Variants in CELF2 observed in about 807,000 individuals in gnomAD.
CELF2 encodes the protein CUGBP Elav-like family member 2.
CELF2 carries 8 observed loss-of-function variants against 62.6 expected under a neutral mutation model. The observed-to-expected ratio is 0.13, with a 90% CI of 0.07 to 0.23. The LOEUF (loss-of-function observed/expected upper bound fraction) is 0.23. CELF2 is among the 10% of genes least tolerant of loss of function. The pLI is 1.00. For missense variants in CELF2, 333 were observed against 671.0 expected (o/e 0.50, Z 5.56); for synonymous variants, 258 against 250.0 (o/e 1.03, Z -0.30).
At chr10:10,729,868 C>G in the CELF2 span, among the ~76,000 whole-genome samples, 8 of 152,080 alleles carry the variant, frequency 5.3e-5, no homozygotes, top group Non-Finnish European at 1.0e-4. Flanking sequence ...ATGCTTATTA[C>G]TCTTACAGTG....
At chr10:11,252,757 G>A (rs1351966776) in intron 4 of CELF2, among the ~76,000 whole-genome samples, 1 of 152,200 alleles carries the variant, frequency 6.6e-6, no homozygotes, top group African/African-American at 2.4e-5. Flanking sequence ...CTCCCACAGA[G>A]CCAGGTTGTC....
chr10:10,634,771 C>T, the CELF2 span, among the ~76,000 whole-genome samples: 4 of 151,800 alleles, frequency 2.6e-5, no homozygotes, highest in Non-Finnish European at 5.9e-5. Flanking sequence ...AAGCGATTCT[C>T]CTGTCTCAGC....
rs1478277260 is a variant in CELF2, at chr10:10,983,938, T to C, written c.89+63939T>C. Reference sequence around the variant, plus strand: ...AAAAGACAGCATTGCAATTTGCATGTAACCTCTGAGTCAACTACTGAACTA... The same window carrying C: ...AAAAGACAGCATTGCAATTTGCATGCAACCTCTGAGTCAACTACTGAACTA... On this transcript the variant is annotated intron_variant, in intron 2 of 13. Transcript: ENST00000636488. This position sits in a 1 kb window ranked among gnomAD's most constrained non-coding sequence, Gnocchi z 5.2. Among the ~76,000 whole-genome samples, 3 of 152,216 alleles carry C rather than the reference T, an allele frequency of 2.0e-5. No individual in the cohort carries two copies. Among genetic ancestry groups the C allele is most frequent in the Non-Finnish European group, 4.4e-5 (3 of 68,044 alleles).
In CELF2 at chr10:11,159,837, T is replaced by C. The variant is rs559279606; in HGVS notation, c.75-5649T>C. 6.6e-6 allele frequency among the ~76,000 whole-genome samples: 1 copy of C among 152,372 alleles called. No homozygotes were observed. The highest frequency in any genetic ancestry group is 6.5e-5 in the Admixed American group (1 of 15,302). On this transcript the variant is annotated intron_variant, in intron 1 of 12. Transcript: ENST00000633077. This position sits in a 1 kb window ranked among gnomAD's most constrained non-coding sequence, Gnocchi z 5.0. Reference sequence around the variant, plus strand: ...TGCTATTACTTAAGTACAAGTGATATTTAAAAATGATTCCTGAGCCCTTTG... The same window carrying C: ...TGCTATTACTTAAGTACAAGTGATACTTAAAAATGATTCCTGAGCCCTTTG...
chr10:10,846,632 G>A (rs1014894943), intron 1 of CELF2, among the ~76,000 whole-genome samples: 4 of 152,090 alleles, frequency 2.6e-5, no homozygotes, highest in South Asian at 2.1e-4. Context: ...AGCATACCAC[G>A]CAAAGCCAAT....
chr10:10,890,114 G>A (rs2062027273), intron 1 of CELF2, among the ~76,000 whole-genome samples: 1 of 152,162 alleles, frequency 6.6e-6, no homozygotes, highest in Non-Finnish European at 1.5e-5. Flanking sequence ...GATATGATGA[G>A]TTCTCATGAC....
In CELF2 at chr10:11,156,678, G is replaced by A. The variant is rs534161413; in HGVS notation, c.75-8808G>A. ...TTAAGTGAATGAATGAGACATCCCT[G>A]TCTTCAGGATGTCACACTTCCACCA... On this transcript the variant is annotated intron_variant, in intron 1 of 12. Coordinates refer to ENST00000633077, the MANE Select transcript of CELF2 (RefSeq NM_001326342.2). This position sits in a 1 kb window ranked among gnomAD's most constrained non-coding sequence, Gnocchi z 4.3. Among the ~76,000 whole-genome samples the A allele has an allele frequency of 2.0e-5, 3 of 152,298 alleles. No individual in the cohort carries two copies. In the East Asian group the frequency reaches 5.8e-4, roughly 29 times the overall value.
At chr10:10,980,271 G>T (rs896303552) in intron 2 of CELF2, among the ~76,000 whole-genome samples, 4 of 152,074 alleles carry the variant, frequency 2.6e-5, no homozygotes, top group Non-Finnish European at 5.9e-5. Flanking sequence ...TACAGTTTTT[G>T]TTCCCAGATC....
At chr10:11,202,518 A>G (rs1565268918) in intron 2 of CELF2, among the ~76,000 whole-genome samples, 2 of 152,160 alleles carry the variant, frequency 1.3e-5, no homozygotes, top group African/African-American at 4.8e-5. Context: ...TAGTCAGTCA[A>G]ATGGGTCAAG....
chr10:10,653,669 C>T, the CELF2 span, among the ~76,000 whole-genome samples: 11 of 144,184 alleles, frequency 7.6e-5, no homozygotes, highest in Middle Eastern at 3.5e-3. Flanking sequence ...TTGAAACCAA[C>T]GAGAACAAAG....
intron 2 of CELF2, among the ~76,000 whole-genome samples, chr10:10,954,536 G>A (rs753240212): frequency 2.4e-4 from 36 of 152,194 alleles, no homozygotes; most frequent in South Asian, 2.1e-4. Context: ...GTGAGCCACC[G>A]CACCTGGCCA....
chr10:10,587,643 A>G, the CELF2 span, among the ~76,000 whole-genome samples: 1 of 152,230 alleles, frequency 6.6e-6, no homozygotes, highest in South Asian at 2.1e-4. Flanking sequence ...GTAGAGATCT[A>G]TCTGTCCTTG....
intron 1 of CELF2, among the ~76,000 whole-genome samples, chr10:11,007,511 G>A (rs888485119): frequency 1.3e-5 from 2 of 152,166 alleles, no homozygotes; most frequent in South Asian, 2.1e-4. Flanking sequence ...CATATGTGCA[G>A]CATAATCATA....
chr10:10,622,925 CA>C, the CELF2 span, among the ~76,000 whole-genome samples: 1 of 150,558 alleles, frequency 6.6e-6, no homozygotes, highest in Non-Finnish European at 1.5e-5. Flanking sequence ...ACTAAAAATA[CA>C]AAAAAACGTA....
chr10:10,785,495 G>T, the CELF2 span, among the ~76,000 whole-genome samples: 88 of 152,054 alleles, frequency 5.8e-4, no homozygotes, highest in African/African-American at 2.1e-3. Flanking sequence ...ACAGATAAAT[G>T]GATTTTTAAA....
In CELF2 at chr10:10,837,353, AT is replaced by A. The variant is rs2132411461; in HGVS notation, c.53+38538del. On this transcript the variant is annotated intron_variant, in intron 1 of 13. Coordinates refer to the CELF2 transcript ENST00000636488. ...AGACATGCCTTTCACCTTCCGCATG[AT>A]TGTGAGCCCTCCCCAGCCTCGTGGA... Among the ~76,000 whole-genome samples the A allele has an allele frequency of 1.3e-5, 2 of 152,240 alleles. 1 individual carries two copies. The highest frequency in any genetic ancestry group is 3.9e-4 in the East Asian group (2 of 5,178).
At chr10:10,765,686 G>A in the CELF2 span, among the ~76,000 whole-genome samples, 1 of 152,198 alleles carries the variant, frequency 6.6e-6, no homozygotes, top group East Asian at 1.9e-4. Flanking sequence ...AGGTCATGCT[G>A]GATGCTGATC....
intron 1 of CELF2, among the ~76,000 whole-genome samples, chr10:11,152,164 A>G (rs1250932441): frequency 6.6e-6 from 1 of 152,204 alleles, no homozygotes; most frequent in African/African-American, 2.4e-5. Context: ...GGGCTGTTCC[A>G]CATGCAGGGG....
At chr10:10,510,100 T>C in the CELF2 span, among the ~76,000 whole-genome samples, 236 of 152,370 alleles carry the variant, frequency 1.5e-3, no homozygotes, top group East Asian at 7.9e-3. Context: ...AAACAAATTA[T>C]ACTTATCCAA....
Sources: allele counts gnomAD v4.1 joint callset (sites outside exome capture counted in the v4.1 genomes callset), GRCh38; gene constraint gnomAD v4.1.1; non-coding constraint Gnocchi (gnomAD v3.1); transcripts MANE v1.5; gene names NCBI Gene and HGNC (gene_info 2026-07-23, HGNC 2026-07-21).